The following HDHD3 variants were observed in gnomAD, a reference collection of about 807,000 sequenced individuals.
The protein encoded by HDHD3 is haloacid dehalogenase like hydrolase domain containing 3.
Under a neutral mutation model 6.9 loss-of-function variants are expected in HDHD3, and 6 were observed. The ratio of observed to expected loss-of-function variants is 0.87; its 90% CI spans 0.48 to 1.72. HDHD3 has a LOEUF of 1.72. HDHD3 is among the 40% of genes most tolerant of loss of function. The pLI, the probability that HDHD3 is intolerant of heterozygous loss-of-function variation, is 0.01. For synonymous variants in HDHD3, 139 were observed against 140.7 expected (o/e 0.99, Z 0.08); for missense variants, 308 against 327.4 (o/e 0.94, Z 0.46).
Position 113,374,259 on chromosome 9 carries a change from C to T in HDHD3, c.96G>A (p.Lys32=). ...RHPLGEAYAT[K]ARAHGLEVEP... is the part of the protein sequence containing the mutation. ...CCACCTCCAGCCCATGGGCCCGGGC[C>T]TTGGTGGCATAGGCCTCCCCTAAGG... The change falls in exon 3 of 3, where the codon AAG becomes AAA. Residue 32 remains lysine (K), a synonymous_variant. Transcript: ENST00000374180. 6.3e-7 allele frequency: 1 copy of T among 1,598,458 alleles called. No individual in the cohort carries two copies. Among genetic ancestry groups the T allele is most frequent in the Non-Finnish European group, 8.5e-7 (1 of 1,170,954 alleles).
chr9:113,375,361 A>G (rs956587985), intron 2 of HDHD3, 92 bp downstream of exon 2: 2 of 152,232 alleles, frequency 1.3e-5, no homozygotes, highest in Non-Finnish European at 2.9e-5. Flanking sequence ...ATTATTAGGG[A>G]TGTCAAAGAC....
Position 113,374,261 on chromosome 9 carries a change from T to C in HDHD3, c.94A>G (p.Lys32Glu), listed in dbSNP as rs200699842. 27 of 1,596,786 alleles carry C rather than the reference T, an allele frequency of 1.7e-5. No individual in the cohort carries two copies. The highest frequency in any genetic ancestry group is 8.5e-6 in the Non-Finnish European group (10 of 1,170,268). The change falls in exon 3 of 3, where the codon AAG becomes GAG. Residue 32 changes from lysine to glutamate, a missense_variant. Lys to Glu is a moderately conservative substitution (Grantham distance 56). Transcript: ENST00000374180. The part of the protein sequence containing the change: ...RHPLGEAYAT[K>E]ARAHGLEVEP... ...ACCTCCAGCCCATGGGCCCGGGCCT[T>C]GGTGGCATAGGCCTCCCCTAAGGGG...
At position 113,374,469 on chromosome 9, in the gene HDHD3, T is replaced by G; in HGVS notation, c.-115A>C. On this transcript the variant is annotated 5_prime_UTR_variant, in exon 3 of 3. Coordinates refer to ENST00000374180, the MANE Select transcript of HDHD3 (RefSeq NM_001304509.2). The stretch of plus-strand genomic sequence containing the variant: ...CTAACAATCACCTCTTTCCAGGCCT[T>G]GTGGGTCAGATTTGCTGGCTAACAT... 4 of 913,830 alleles carry G rather than the reference T, an allele frequency of 4.4e-6. No individual in the cohort carries two copies. The highest frequency in any genetic ancestry group is 6.1e-6 in the Non-Finnish European group (4 of 651,730). 56.6% of individuals were successfully genotyped at this position (913,830 alleles called of 1,614,324 possible). A position where few individuals can be genotyped will look rare whatever the true frequency, so the allele number is the denominator to read the frequency against.
rs773829300 is a variant in HDHD3 at position 113,374,387 on chromosome 9, AG to A, written c.-34del. 1.3e-6 allele frequency: 2 copies of A among 1,496,514 alleles called. No individual in the cohort carries two copies. The highest frequency in any genetic ancestry group is 2.8e-5 in the South Asian group (2 of 70,918). 92.7% of individuals were successfully genotyped at this position (1,496,514 alleles called of 1,614,324 possible). A position where few individuals can be genotyped will look rare whatever the true frequency, so the allele number is the denominator to read the frequency against. ...GCCAAGTCCACCCCAGTTCTGCCTC[AG>A]GTCCCACGGTGGGTCCCAGGGGAAG... On this transcript the variant is annotated 5_prime_UTR_variant, in exon 3 of 3. Coordinates refer to ENST00000374180, the MANE Select transcript of HDHD3 (RefSeq NM_001304509.2).
At chr9:113,375,937 G>C (rs936084360) in intron 1 of HDHD3, 1 of 152,074 alleles carries the variant, frequency 6.6e-6, no homozygotes, top group East Asian at 1.9e-4. Flanking sequence ...CATTTTGCAG[G>C]TGGGTAGACA....
chr9:113,373,893 G>A lies in HDHD3; in HGVS notation c.462C>T (p.Phe154=), dbSNP rs758132873. ...CAGCCTCGGAGGTCAGCACAAAGTC[G>A]AAGTGTTCACGCAGGCCAAGGCCCC... The part of the protein sequence containing the change: ...ILGGLGLREH[F]DFVLTSEAAG... The change falls in exon 3 of 3, where the codon TTC becomes TTT. Residue 154 remains phenylalanine (F), a synonymous_variant. Transcript: ENST00000374180. 58 of 1,614,124 alleles carry A rather than the reference G, an allele frequency of 3.6e-5. No homozygotes were observed. The highest frequency in any genetic ancestry group is 1.9e-4 in the South Asian group (17 of 91,092).
chr9:113,374,635 T>G (rs80286918), intron 2 of HDHD3, 106 bp from the exon 3 acceptor site: 5,021 of 356,482 alleles, frequency 0.014, 53 homozygotes, highest in Middle Eastern at 0.033. Flanking sequence ...AAAGTCACTC[T>G]GAATCCACAA....
chr9:113,374,737 A>G (rs1159299999), intron 2 of HDHD3, among the ~76,000 whole-genome samples: 1 of 152,238 alleles, frequency 6.6e-6, no homozygotes, highest in East Asian at 1.9e-4. Flanking sequence ...GAACAGGGAT[A>G]CGGATATTAG....
In HDHD3 at chr9:113,373,928, C is replaced by T. The variant is rs761130936; in HGVS notation, c.427G>A (p.Gly143Ser). 12 of 1,614,110 alleles carry T rather than the reference C, an allele frequency of 7.4e-6. No individual in the cohort carries two copies. Among genetic ancestry groups the T allele is most frequent in the Admixed American group, 5.0e-5 (3 of 60,016 alleles). ...CGCAGGCCAAGGCCCCCCAGGATGCCCTCTAGCCGTCGGTCAAAGTTGGAG... is the reference window on the plus strand; with the variant it reads ...CGCAGGCCAAGGCCCCCCAGGATGCTCTCTAGCCGTCGGTCAAAGTTGGAG... ...VISNFDRRLE[G>S]ILGGLGLREH... is the part of the protein sequence containing the mutation. Residue 143 changes from glycine to serine, a missense_variant, in exon 3 of 3, where the codon GGC (glycine) becomes AGC (serine). Transcript: ENST00000374180.
chr9:113,374,630 C>T (rs1177596688), intron 2 of HDHD3, 101 bp from the exon 3 acceptor site: 1 of 362,560 alleles, frequency 2.8e-6, no homozygotes, highest in Non-Finnish European at 4.9e-6. Flanking sequence ...CTAGGAAAGT[C>T]ACTCTGAATC....
chr9:113,373,929 C>A lies in HDHD3; in HGVS notation c.426G>T (p.Glu142Asp). The change falls in exon 3 of 3, where the codon GAG becomes GAT. Residue 142 changes from glutamate to aspartate, a missense_variant. Glu to Asp is a conservative substitution (Grantham distance 45). Transcript: ENST00000374180. The stretch of plus-strand genomic sequence containing the variant: ...GCAGGCCAAGGCCCCCCAGGATGCC[C>A]TCTAGCCGTCGGTCAAAGTTGGAGA... ...AVISNFDRRL[E>D]GILGGLGLRE... 1 of 1,614,234 alleles carries A rather than the reference C, an allele frequency of 6.2e-7. No homozygotes were observed.
At position 113,373,455 on chromosome 9, in the gene HDHD3, T is replaced by C. The variant is rs966694903; in HGVS notation, c.*144A>G. The C allele has an allele frequency of 3.5e-6, 3 of 863,932 alleles. No homozygotes were observed. Among genetic ancestry groups the C allele is most frequent in the African/African-American group, 1.7e-5 (1 of 59,612 alleles). 53.5% of individuals were successfully genotyped at this position (863,932 alleles called of 1,614,324 possible). On this transcript the variant is annotated 3_prime_UTR_variant, in exon 3 of 3. Coordinates refer to ENST00000374180, the MANE Select transcript of HDHD3 (RefSeq NM_001304509.2). ...GGAAGGGTGAGAGCTCAGCACTCAC[T>C]GCTTTATTATCACAGTAGGTGACAA... is the stretch of plus-strand genomic sequence containing the variant.
rs780729004 is a variant in HDHD3, at chr9:113,373,603, A to C, written c.752T>G (p.Leu251Arg). The C allele has an allele frequency of 5.8e-6, 9 of 1,559,246 alleles. No individual in the cohort carries two copies. The East Asian group carries it at 2.0e-4, about 35-fold the overall frequency. ...CAGCCACTTCCCTCACTGGCCTCAA[A>C]GCCCTGGAGTTGAGCCCTCTAGGCA... is the stretch of plus-strand genomic sequence containing the variant. ...LDCLEGSTPG[L>R] The change falls in exon 3 of 3, where the codon CTT (leucine) becomes CGT (arginine). Residue 251 changes from leucine to arginine, a missense_variant. Transcript: ENST00000374180.
At position 113,373,647 on chromosome 9, in the gene HDHD3, A is replaced by G. The variant is rs774272083; in HGVS notation, c.708T>C (p.His236=). The part of the protein sequence containing the change: ...PKEHILPSLA[H]LLPALDCLEG... ...CTAGGCAGTCAAGGGCAGGCAGGAG[A>G]TGGGCCAGAGAGGGGAGGATGTGTT... Residue 236 remains histidine (H), a synonymous_variant, in exon 3 of 3, where the codon CAT becomes CAC. Transcript: ENST00000374180. 5 of 1,609,278 alleles carry G rather than the reference A, an allele frequency of 3.1e-6. No homozygotes were observed. The South Asian group carries it at 4.4e-5, about 14-fold the overall frequency.
At position 113,373,596 on chromosome 9, in the gene HDHD3, G is replaced by A; in HGVS notation, c.*3C>T. 1 of 1,548,418 alleles carries A rather than the reference G, an allele frequency of 6.5e-7. No homozygotes were observed. The highest frequency in any genetic ancestry group is 8.7e-7 in the Non-Finnish European group (1 of 1,147,810). ...TAGGGCCCAGCCACTTCCCTCACTG[G>A]CCTCAAAGCCCTGGAGTTGAGCCCT... On this transcript the variant is annotated 3_prime_UTR_variant, in exon 3 of 3. Coordinates refer to ENST00000374180, the MANE Select transcript of HDHD3 (RefSeq NM_001304509.2).
In HDHD3 at chr9:113,374,018, C is replaced by G; in HGVS notation, c.337G>C (p.Val113Leu). ...KDFSHPCTWQ[V>L]LDGAEDTLRE... ...AGGGTGTCCTCAGCCCCATCCAACA[C>G]CTGCCAGGTGCAGGGGTGGCTGAAG... The change falls in exon 3 of 3, where the codon GTG (valine) becomes CTG (leucine). Residue 113 changes from valine (V) to leucine (L), a missense_variant. Physicochemically the swap from Val to Leu is conservative, Grantham distance 32. Coordinates refer to ENST00000374180, the MANE Select transcript of HDHD3 (RefSeq NM_001304509.2). 1 of 1,614,204 alleles carries G rather than the reference C, an allele frequency of 6.2e-7. No individual in the cohort carries two copies.
Position 113,374,095 on chromosome 9 carries a change from C to T in HDHD3, c.260G>A (p.Gly87Asp). 6.2e-7 allele frequency: 1 copy of T among 1,606,334 alleles called. No homozygotes were observed. The highest frequency in any genetic ancestry group is 1.3e-5 in the African/African-American group (1 of 74,890). The part of the protein sequence containing the change: ...DVVLQTFHLA[G>D]VQDAQAVAPI... ...GGCTACAGCCTGAGCATCCTGGACA[C>T]CCGCCAGGTGGAAGGTCTGCAGGAC... is the stretch of plus-strand genomic sequence containing the variant. The change falls in exon 3 of 3, where the codon GGT becomes GAT. Residue 87 changes from glycine (G) to aspartate (D), a missense_variant. By Grantham distance (94) the Gly-to-Asp change is moderately conservative. Coordinates refer to ENST00000374180, the MANE Select transcript of HDHD3 (RefSeq NM_001304509.2).
In HDHD3 at chr9:113,373,644, G is replaced by A. The variant is rs1564352432; in HGVS notation, c.711C>T (p.Leu237=). 2.5e-6 allele frequency: 4 copies of A among 1,608,956 alleles called. No homozygotes were observed. The highest frequency in any genetic ancestry group is 3.4e-6 in the Non-Finnish European group (4 of 1,177,236). The change falls in exon 3 of 3, where the codon CTC becomes CTT. Residue 237 remains leucine, a synonymous_variant. Transcript: ENST00000374180. ...KEHILPSLAH[L]LPALDCLEGS... ...CCTCTAGGCAGTCAAGGGCAGGCAG[G>A]AGATGGGCCAGAGAGGGGAGGATGT...
chr9:113,374,386 C>T lies in HDHD3; in HGVS notation c.-32G>A, dbSNP rs1449362540. ...GGCCAAGTCCACCCCAGTTCTGCCT[C>T]AGGTCCCACGGTGGGTCCCAGGGGA... On this transcript the variant is annotated 5_prime_UTR_variant, in exon 3 of 3. Transcript: ENST00000374180. 2 of 1,497,364 alleles carry T rather than the reference C, an allele frequency of 1.3e-6. No homozygotes were observed. The highest frequency in any genetic ancestry group is 2.8e-5 in the African/African-American group (2 of 71,598). 92.8% of individuals were successfully genotyped at this position (1,497,364 alleles called of 1,614,324 possible).
Sources: allele counts gnomAD v4.1 joint callset (sites outside exome capture counted in the v4.1 genomes callset), GRCh38; gene constraint gnomAD v4.1.1; transcripts MANE v1.5; gene names NCBI Gene and HGNC (gene_info 2026-07-23, HGNC 2026-07-21).